The following TRUB2 variants were observed in gnomAD, a reference collection of about 807,000 sequenced individuals.
TRUB2 encodes pseudouridylate synthase TRUB2, mitochondrial.
A neutral mutation model predicts 31.9 loss-of-function variants in TRUB2; 31 were observed. That is an observed-to-expected ratio of 0.97 (90% CI 0.73 to 1.31). The LOEUF (loss-of-function observed/expected upper bound fraction) is 1.31. TRUB2 is among the 50% of genes most tolerant of loss of function. The probability of loss-of-function intolerance (pLI) is 0.00; values close to 1 mark genes in which losing one functional copy is unlikely to be tolerated. For missense variants in TRUB2, 451 were observed against 439.6 expected (o/e 1.03, Z -0.23); for synonymous variants, 201 against 182.6 (o/e 1.10, Z -0.81).
At chr9:128,315,546 G>C in intron 4 of TRUB2, 21 bp downstream of exon 4, 1 of 1,611,088 alleles carries the variant, frequency 6.2e-7, no homozygotes, top group Non-Finnish European at 8.5e-7. Flanking sequence ...GGAGAAGCAG[G>C]CTGTCCCCAG....
At chr9:128,309,922 C>T (rs764475647) in intron 7 of TRUB2, 47 bp from the exon 8 acceptor site, 1 of 1,587,730 alleles carries the variant, frequency 6.3e-7, no homozygotes, top group Admixed American at 1.7e-5. Flanking sequence ...AGCACAGCCT[C>T]TAGTGTGTGG....
intron 3 of TRUB2, chr9:128,316,191 C>T (rs531379567): frequency 6.8e-5 from 10 of 147,714 alleles, no homozygotes; most frequent in African/African-American, 2.5e-4. Flanking sequence ...CACTACACTC[C>T]AGCTTGGGCA....
At chr9:128,313,216 C>CAAAAA (rs1201864514) in intron 5 of TRUB2, among the ~76,000 whole-genome samples, 39 of 115,848 alleles carry the variant, frequency 3.4e-4, no homozygotes, top group African/African-American at 8.6e-4. Context: ...GACATCGTTT[C>CAAAAA]AAAAAAAAAA....
chr9:128,318,984 C>A (rs953913574), intron 2 of TRUB2, among the ~76,000 whole-genome samples: 1 of 151,988 alleles, frequency 6.6e-6, no homozygotes, highest in Non-Finnish European at 1.5e-5. Flanking sequence ...GAGTTCAATA[C>A]TAGCATGGGC....
rs1460277791 is a variant in TRUB2 at position 128,305,509 on chromosome 9, G to A, written c.*4041C>T. 3 of 152,502 alleles carry A rather than the reference G, an allele frequency of 2.0e-5. No homozygotes were observed. The highest frequency in any genetic ancestry group is 7.2e-5 in the African/African-American group (3 of 41,562). 9.4% of individuals were successfully genotyped at this position (152,502 alleles called of 1,614,324 possible). ...ATTCTCCCACCTCAGCCCAGATCTG[G>A]AGTAGCTGTAGCTGGACTACAGACA... On this transcript the variant is annotated 3_prime_UTR_variant, in exon 8 of 8. Transcript: ENST00000372890.
At chr9:128,311,143 A>C in intron 6 of TRUB2, 120 bp from the exon 7 acceptor site, 1 of 1,371,608 alleles carries the variant, frequency 7.3e-7, no homozygotes, top group East Asian at 2.3e-5. Context: ...TCCTCCAGCC[A>C]CCTTTCCTGC....
In TRUB2 at chr9:128,309,802, G is replaced by C; in HGVS notation, c.744C>G (p.Thr248=). 1 of 1,614,246 alleles carries C rather than the reference G, an allele frequency of 6.2e-7. No homozygotes were observed. Among genetic ancestry groups the C allele is most frequent in the Middle Eastern group, 1.6e-4 (1 of 6,062 alleles). The part of the protein sequence containing the change: ...LVHEIGLELK[T]TAVCTQVRRT... ...GCCGCACTTGGGTGCAGACAGCAGT[G>C]GTCTTTAGTTCCAGGCCGATTTCAT... is the stretch of plus-strand genomic sequence containing the variant. The change falls in exon 8 of 8, where the codon ACC becomes ACG. Residue 248 remains threonine (T), a synonymous_variant. Coordinates refer to ENST00000372890, the MANE Select transcript of TRUB2 (RefSeq NM_015679.3).
In TRUB2 at chr9:128,322,188, C is replaced by T; in HGVS notation, c.109+112G>A. On this transcript the variant is annotated intron_variant, in intron 1 of 7. Transcript: ENST00000372890. ...CAGAGAACAGGCGTTTGGGAAAGCG[C>T]TCTGCCCAGGTGAATAGGTCACGTG... The T allele has an allele frequency of 8.4e-6, 7 of 836,202 alleles. No individual in the cohort carries two copies. In the South Asian group the frequency reaches 9.3e-5, roughly 11 times the overall value. 51.8% of individuals were successfully genotyped at this position (836,202 alleles called of 1,614,324 possible).
In TRUB2 at chr9:128,322,362, T is replaced by G; in HGVS notation, c.47A>C (p.Tyr16Ser). 6.2e-7 allele frequency: 1 copy of G among 1,614,128 alleles called. No individual in the cohort carries two copies. The highest frequency in any genetic ancestry group is 8.5e-7 in the Non-Finnish European group (1 of 1,180,016). Residue 16 changes from tyrosine to serine, a missense_variant, in exon 1 of 8, where the codon TAT becomes TCT. By Grantham distance (144) the Tyr-to-Ser change is moderately radical. Coordinates refer to ENST00000372890, the MANE Select transcript of TRUB2 (RefSeq NM_015679.3). ...LSRLHGLFAVYKPPGLKWKHL... is the reference protein window; with the variant it reads ...LSRLHGLFAVSKPPGLKWKHL... Reference sequence around the variant, plus strand: ...CTTCCATTTTAGCCCCGGGGGCTTATAGACCGCGAAAAGCCCATGCAGCCG... The same window carrying G: ...CTTCCATTTTAGCCCCGGGGGCTTAGAGACCGCGAAAAGCCCATGCAGCCG...
chr9:128,310,336 A>C lies in TRUB2; in HGVS notation c.671-461T>G. On this transcript the variant is annotated intron_variant, in intron 7 of 7. Transcript: ENST00000372890. ...CCTTTTACTAAGACTCGGTTTCCCT[A>C]TCTGTAAAATGGGAGTTATGAGGAG... is the stretch of plus-strand genomic sequence containing the variant. Among the ~76,000 whole-genome samples the C allele has an allele frequency of 1.3e-5, 2 of 151,930 alleles. 1 individual carries two copies. The highest frequency in any genetic ancestry group is 3.9e-4 in the East Asian group (2 of 5,178).
At chr9:128,318,723 G>A (rs972371719) in intron 2 of TRUB2, among the ~76,000 whole-genome samples, 3 of 151,776 alleles carry the variant, frequency 2.0e-5, no homozygotes, top group Admixed American at 6.6e-5. Context: ...TAGTAGAGAC[G>A]GAGTTTCATC....
In TRUB2 at chr9:128,309,779, C is replaced by A; in HGVS notation, c.767G>T (p.Arg256Leu). 1 of 1,614,216 alleles carries A rather than the reference C, an allele frequency of 6.2e-7. No homozygotes were observed. Among genetic ancestry groups the A allele is most frequent in the Middle Eastern group, 1.6e-4 (1 of 6,062 alleles). ...CGTGAAGAAGCCGTCGCGCGTGCGC[C>A]GCACTTGGGTGCAGACAGCAGTGGT... ...LKTTAVCTQV[R>L]RTRDGFFTLD... The change falls in exon 8 of 8, where the codon CGG (arginine) becomes CTG (leucine). Residue 256 changes from arginine (R) to leucine (L), a missense_variant. Arg to Leu is a moderately radical substitution (Grantham distance 102). Transcript: ENST00000372890.
intron 3 of TRUB2, 138 bp downstream of exon 3, chr9:128,317,014 A>T: frequency 1.4e-6 from 1 of 710,528 alleles, no homozygotes; most frequent in Non-Finnish European, 2.3e-6. Flanking sequence ...CCAGCTGATC[A>T]GCCTTGGGGC....
chr9:128,311,070 T>C, intron 6 of TRUB2, 47 bp from the exon 7 acceptor site: 1 of 1,601,310 alleles, frequency 6.2e-7, no homozygotes. Context: ...ACCTACCCTT[T>C]CCCCCACATG....
intron 2 of TRUB2, among the ~76,000 whole-genome samples, chr9:128,319,046 G>T (rs1273557094): frequency 1.3e-5 from 2 of 151,996 alleles, no homozygotes; most frequent in Non-Finnish European, 2.9e-5. Flanking sequence ...GCCAGGCATG[G>T]CCGGGCGTGG....
Position 128,311,584 on chromosome 9 carries a change from T to C in TRUB2, c.478A>G (p.Lys160Glu), listed in dbSNP as rs575974527. The C allele has an allele frequency of 1.2e-4, 198 of 1,614,018 alleles. 5 individuals carry two copies. In the South Asian group the frequency reaches 2.2e-3, roughly 18 times the overall value. ...KTTYDHVTRE[K>E]LDRILAVIQG... ...ATAACGGCCAGAATGCGGTCCAGCT[T>C]CTCTCTGGTCACGTGGTCTGGAAAA... The change falls in exon 6 of 8, where the codon AAG becomes GAG. Residue 160 changes from lysine to glutamate, a missense_variant. Coordinates refer to ENST00000372890, the MANE Select transcript of TRUB2 (RefSeq NM_015679.3).
chr9:128,316,975 TG>T, intron 3 of TRUB2, 176 bp downstream of exon 3: 1 of 587,858 alleles, frequency 1.7e-6, no homozygotes, highest in Non-Finnish European at 3.0e-6. Flanking sequence ...TATTAACCTG[TG>T]ATTACCTCCG....
At position 128,309,497 on chromosome 9, in the gene TRUB2, T is replaced by G; in HGVS notation, c.*53A>C. ...TTTCTGCACAGCTATCAGGTCCAGC[T>G]CATAGCAGTTCTTCTATTTATCCAT... On this transcript the variant is annotated 3_prime_UTR_variant, in exon 8 of 8. Coordinates refer to ENST00000372890, the MANE Select transcript of TRUB2 (RefSeq NM_015679.3). 6.4e-7 allele frequency: 1 copy of G among 1,552,668 alleles called. No individual in the cohort carries two copies. The highest frequency in any genetic ancestry group is 1.8e-5 in the Admixed American group (1 of 56,116).
At chr9:128,322,203 T>C (rs1376161383) in intron 1 of TRUB2, 97 bp downstream of exon 1, 8 of 985,170 alleles carry the variant, frequency 8.1e-6, no homozygotes, top group Non-Finnish European at 1.3e-5. Flanking sequence ...CCCAGGTGAA[T>C]AGGTCACGTG....
Sources: allele counts gnomAD v4.1 joint callset (sites outside exome capture counted in the v4.1 genomes callset), GRCh38; gene constraint gnomAD v4.1.1; transcripts MANE v1.5; gene names NCBI Gene and HGNC (gene_info 2026-07-23, HGNC 2026-07-21).